Variants in ZNF573 observed in about 807,000 individuals in gnomAD.
ZNF573 encodes the protein zinc finger protein 573.
Under a neutral mutation model 57.4 loss-of-function variants are expected in ZNF573, and 41 were observed. The observed-to-expected ratio is 0.71, with a 90% CI of 0.56 to 0.93. The LOEUF (loss-of-function observed/expected upper bound fraction) is 0.93. Among genes scored for constraint, ZNF573 ranks in the 40% least tolerant of loss-of-function variants. ZNF573 has a pLI of 0.00. For synonymous variants in ZNF573, 249 were observed against 261.0 expected (o/e 0.95, Z 0.44); for missense variants, 730 against 794.8 (o/e 0.92, Z 0.98).
At chr19:37,771,427 G>C in intron 3 of ZNF573, 137 bp downstream of exon 3, 4 of 1,002,674 alleles carry the variant, frequency 4.0e-6, no homozygotes, top group South Asian at 3.4e-5. Flanking sequence ...TTGTCAAACA[G>C]GCAGAGCTGA....
intron 4 of ZNF573, among the ~76,000 whole-genome samples, chr19:37,756,331 G>T (rs2045487649): frequency 6.6e-6 from 1 of 152,162 alleles, no homozygotes. Flanking sequence ...CTTTATGAGG[G>T]CTGAAAAATG....
At chr19:37,761,059 G>A (rs1333164875) in intron 4 of ZNF573, among the ~76,000 whole-genome samples, 1 of 151,970 alleles carries the variant, frequency 6.6e-6, no homozygotes, top group African/African-American at 2.4e-5. Flanking sequence ...TTAGCTGGGG[G>A]TGGTGGCACA....
intron 2 of ZNF573, 63 bp downstream of exon 2, chr19:37,773,598 A>T: frequency 7.5e-7 from 1 of 1,336,042 alleles, no homozygotes. Flanking sequence ...GCCTTAGGTT[A>T]ATGAAAACAT....
chr19:37,758,105 TGA>T, intron 4 of ZNF573, among the ~76,000 whole-genome samples: 1 of 149,052 alleles, frequency 6.7e-6, no homozygotes, highest in Middle Eastern at 3.5e-3. Flanking sequence ...ATGTAAAGGA[TGA>T]GTTAATGGGT....
chr19:37,739,135 G>C lies in ZNF573; in HGVS notation c.1355C>G (p.Thr452Ser). The C allele has an allele frequency of 2.5e-6, 4 of 1,613,060 alleles. No homozygotes were observed. The highest frequency in any genetic ancestry group is 3.4e-6 in the Non-Finnish European group (4 of 1,179,740). ...FECKECKKTF[T>S]LYRNLTRHQN... ...ATGTCGAGTAAGATTTCTATACAAA[G>C]TAAAGGTTTTTTTACACTCCTTACA... is the stretch of plus-strand genomic sequence containing the variant. The change falls in exon 5 of 5, where the codon ACT (threonine) becomes AGT (serine). Residue 452 changes from threonine (T) to serine (S), a missense_variant. Coordinates refer to ENST00000536220, the MANE Select transcript of ZNF573 (RefSeq NM_001172690.2).
chr19:37,743,553 A>G (rs2045348557), intron 4 of ZNF573, among the ~76,000 whole-genome samples: 2 of 152,228 alleles, frequency 1.3e-5, no homozygotes, highest in African/African-American at 4.8e-5. Flanking sequence ...AATGTAAATT[A>G]GTTCAACCAC....
chr19:37,746,820 G>T (rs558870133), intron 4 of ZNF573, among the ~76,000 whole-genome samples: 1 of 152,116 alleles, frequency 6.6e-6, no homozygotes, highest in African/African-American at 2.4e-5. Context: ...TCCTGACCTC[G>T]TGATCTGCCC....
At chr19:37,749,937 A>C (rs530484281) in intron 4 of ZNF573, among the ~76,000 whole-genome samples, 3 of 152,226 alleles carry the variant, frequency 2.0e-5, no homozygotes, top group Non-Finnish European at 4.4e-5. Context: ...TGTAATTTGC[A>C]TAAGTTTTTA....
Position 37,773,760 on chromosome 19 carries a change from A to T in ZNF573, c.-22-9T>A. On this transcript the variant is annotated splice_polypyrimidine_tract_variant and intron_variant, in intron 1 of 4. Transcript: ENST00000536220. ...CTCCAGAGAATCCAGAGCTGAGAGAAGAAAAGAGATGTTAGTGTTCCCAAT... is the reference window on the plus strand; with the variant it reads ...CTCCAGAGAATCCAGAGCTGAGAGATGAAAAGAGATGTTAGTGTTCCCAAT... The T allele has an allele frequency of 1.3e-6, 2 of 1,494,288 alleles. No individual in the cohort carries two copies. Among genetic ancestry groups the T allele is most frequent in the South Asian group, 2.4e-5 (2 of 82,800 alleles). The allele number at this position is 1,494,288 out of a possible 1,614,324, so 92.6% of individuals were successfully genotyped here.
At chr19:37,741,806 G>C (rs2045329840) in intron 4 of ZNF573, among the ~76,000 whole-genome samples, 1 of 152,112 alleles carries the variant, frequency 6.6e-6, no homozygotes, top group Non-Finnish European at 1.5e-5. Flanking sequence ...ATTCAACACA[G>C]TACTGGAAGT....
intron 1 of ZNF573, 145 bp from the exon 2 acceptor site, chr19:37,773,896 C>G: frequency 1.8e-6 from 1 of 559,182 alleles, no homozygotes; most frequent in Non-Finnish European, 3.1e-6. Flanking sequence ...TAAGCACTCC[C>G]TCACACCCCA....
chr19:37,767,830 A>T (rs1311445043), intron 4 of ZNF573, among the ~76,000 whole-genome samples: 1 of 152,220 alleles, frequency 6.6e-6, no homozygotes, highest in East Asian at 1.9e-4. Flanking sequence ...ACAAAGAAAG[A>T]TGAAGACAAA....
chr19:37,750,087 T>A (rs1407801876), intron 4 of ZNF573, among the ~76,000 whole-genome samples: 3 of 132,714 alleles, frequency 2.3e-5, no homozygotes, highest in Non-Finnish European at 3.4e-5. Context: ...TTTTTTTTAA[T>A]TTTTTTTTTT....
intron 1 of ZNF573, among the ~76,000 whole-genome samples, chr19:37,775,997 A>T (rs986437578): frequency 7.9e-5 from 12 of 152,196 alleles, no homozygotes; most frequent in Admixed American, 7.9e-4. Context: ...ACACAAACAG[A>T]TGGAAGCACA....
intron 4 of ZNF573, among the ~76,000 whole-genome samples, chr19:37,747,847 C>T (rs550112590): frequency 1.1e-4 from 16 of 152,036 alleles, no homozygotes; most frequent in East Asian, 7.7e-4. Context: ...ACACCATGCC[C>T]GGCTATTTTT....
At chr19:37,752,954 T>A (rs1248204630) in intron 4 of ZNF573, among the ~76,000 whole-genome samples, 1 of 152,084 alleles carries the variant, frequency 6.6e-6, no homozygotes, top group East Asian at 1.9e-4. Context: ...TTTGTAAACT[T>A]TTGTCTAACA....
chr19:37,775,905 A>T (rs1259518938), intron 1 of ZNF573, among the ~76,000 whole-genome samples: 1 of 151,798 alleles, frequency 6.6e-6, no homozygotes, highest in Non-Finnish European at 1.5e-5. Context: ...AAAACAAACA[A>T]ACTTAGGAAT....
intron 1 of ZNF573, among the ~76,000 whole-genome samples, chr19:37,777,362 C>T (rs1395618475): frequency 6.6e-6 from 1 of 151,830 alleles, no homozygotes; most frequent in African/African-American, 2.4e-5. Context: ...TATAGCAGCA[C>T]AATTGCAAAA....
intron 4 of ZNF573, chr19:37,740,467 C>G (rs2045317196): frequency 2.1e-6 from 1 of 470,900 alleles, no homozygotes. Flanking sequence ...TTGGCACCGT[C>G]AAAGACCAAG....
Sources: allele counts gnomAD v4.1 joint callset (sites outside exome capture counted in the v4.1 genomes callset), GRCh38; gene constraint gnomAD v4.1.1; transcripts MANE v1.5; gene names NCBI Gene and HGNC (gene_info 2026-07-23, HGNC 2026-07-21).